The following BAIAP2L1 variants were observed in gnomAD, a reference collection of about 807,000 sequenced individuals.
BAIAP2L1 encodes BAR/IMD domain-containing adapter protein 2-like 1.
A neutral mutation model predicts 66.3 loss-of-function variants in BAIAP2L1; 35 were observed. That is an observed-to-expected ratio of 0.53 (90% CI 0.40 to 0.70). BAIAP2L1 has a LOEUF of 0.70. BAIAP2L1 is among the 30% of genes least tolerant of loss of function. The pLI, the probability that BAIAP2L1 is intolerant of heterozygous loss-of-function variation, is 0.00. For synonymous variants in BAIAP2L1, 269 were observed against 248.7 expected, an observed-to-expected ratio of 1.08 and a Z score of -0.77; for missense variants, 622 against 656.9, an observed-to-expected ratio of 0.95 and a Z score of 0.58.
At chr7:98,350,720 C>A (rs185420388) in intron 3 of BAIAP2L1, among the ~76,000 whole-genome samples, 140 of 152,242 alleles carry the variant, frequency 9.2e-4, no homozygotes, top group Non-Finnish European at 1.6e-3. Flanking sequence ...TACCCTAAGG[C>A]CCCCTACCCC....
chr7:98,375,341 C>T (rs1562789500), intron 1 of BAIAP2L1, among the ~76,000 whole-genome samples: 1 of 151,594 alleles, frequency 6.6e-6, no homozygotes, highest in Admixed American at 6.6e-5. Flanking sequence ...TTGCAGTGAG[C>T]CGACATCCGG....
intron 1 of BAIAP2L1, among the ~76,000 whole-genome samples, chr7:98,369,428 A>C (rs942076344): frequency 2.0e-5 from 3 of 152,334 alleles, no homozygotes; most frequent in African/African-American, 7.2e-5. Flanking sequence ...GGTAGCAGTG[A>C]GATCGTGCCG....
Position 98,393,080 on chromosome 7 carries a change from C to T in BAIAP2L1, c.51+7722G>A, listed in dbSNP as rs1372378651. 1.2e-4 allele frequency among the ~76,000 whole-genome samples: 10 copies of T among 85,642 alleles called. 1 individual carries two copies. In the South Asian group the frequency reaches 2.9e-3, roughly 25 times the overall value. The allele number at this position is 85,642 out of a possible 152,430, so 56.2% of individuals were successfully genotyped here. On this transcript the variant is annotated intron_variant, in intron 1 of 13. Coordinates refer to ENST00000005260, the MANE Select transcript of BAIAP2L1 (RefSeq NM_018842.5). ...ATATGTACACATATATGTATACACACACATATATACATATATACGTGTACA... is the reference window on the plus strand; with the variant it reads ...ATATGTACACATATATGTATACACATACATATATACATATATACGTGTACA...
intron 2 of BAIAP2L1, among the ~76,000 whole-genome samples, chr7:98,358,907 G>T (rs1436514621): frequency 1.3e-5 from 2 of 152,150 alleles, no homozygotes; most frequent in Non-Finnish European, 2.9e-5. Flanking sequence ...CAGGTGGTGT[G>T]GCCATGGGAC....
intron 12 of BAIAP2L1, among the ~76,000 whole-genome samples, chr7:98,302,510 C>T (rs1203203944): frequency 6.6e-6 from 1 of 152,224 alleles, no homozygotes; most frequent in Admixed American, 6.5e-5. Context: ...ACACAACAGT[C>T]AAACAAGCAA....
At position 98,305,868 on chromosome 7, in the gene BAIAP2L1, G is replaced by A. The variant is rs141430531; in HGVS notation, c.1241+571C>T. ...CTGGAATACGGATTTGGGGGTTTTC[G>A]GCATGGAGGTGCTCAGCAAAGCCCA... On this transcript the variant is annotated intron_variant, in intron 11 of 13. Transcript: ENST00000005260. 4.8e-4 allele frequency among the ~76,000 whole-genome samples: 73 copies of A among 152,190 alleles called. 1 individual carries two copies. In the East Asian group the frequency reaches 0.012, roughly 26 times the overall value.
At chr7:98,314,240 C>T (rs931480265) in intron 7 of BAIAP2L1, among the ~76,000 whole-genome samples, 2 of 152,076 alleles carry the variant, frequency 1.3e-5, no homozygotes, top group Non-Finnish European at 2.9e-5. Flanking sequence ...ACTTTGGTCT[C>T]CCAAAGTGCT....
chr7:98,307,320 G>A (rs1800696480), intron 10 of BAIAP2L1: 2 of 867,818 alleles, frequency 2.3e-6, no homozygotes, highest in East Asian at 1.6e-4. Flanking sequence ...TGGCCAGGCT[G>A]GTCTGGAACT....
intron 3 of BAIAP2L1, among the ~76,000 whole-genome samples, chr7:98,349,304 G>T (rs1233260423): frequency 1.3e-5 from 2 of 152,198 alleles, no homozygotes; most frequent in Non-Finnish European, 1.5e-5. Context: ...CCGGCACGCG[G>T]TGGACACATC....
At position 98,292,770 on chromosome 7, in the gene BAIAP2L1, A is replaced by G; in HGVS notation, c.*751T>C. On this transcript the variant is annotated 3_prime_UTR_variant, in exon 14 of 14. Coordinates refer to ENST00000005260, the MANE Select transcript of BAIAP2L1 (RefSeq NM_018842.5). Reference sequence around the variant, plus strand: ...GCAGCTTTGGCCAACTAGCTGAGTGAGAACACAAGGAGCCGTGACTCCGAC... The same window carrying G: ...GCAGCTTTGGCCAACTAGCTGAGTGGGAACACAAGGAGCCGTGACTCCGAC... 1.3e-6 allele frequency: 2 copies of G among 1,549,584 alleles called. No homozygotes were observed. Among genetic ancestry groups the G allele is most frequent in the Non-Finnish European group, 1.7e-6 (2 of 1,145,738 alleles).
intron 2 of BAIAP2L1, among the ~76,000 whole-genome samples, chr7:98,359,412 A>C (rs1185220537): frequency 1.3e-5 from 2 of 151,590 alleles, no homozygotes; most frequent in Non-Finnish European, 2.9e-5. Flanking sequence ...AGGTGGGATT[A>C]CAGGCACCCG....
At chr7:98,334,600 A>G (rs1326755001) in intron 3 of BAIAP2L1, among the ~76,000 whole-genome samples, 1 of 151,996 alleles carries the variant, frequency 6.6e-6, no homozygotes, top group Non-Finnish European at 1.5e-5. Context: ...GCTGGAGTGC[A>G]GTGGCACGAC....
At chr7:98,329,672 C>T (rs1801449834) in intron 3 of BAIAP2L1, among the ~76,000 whole-genome samples, 1 of 151,676 alleles carries the variant, frequency 6.6e-6, no homozygotes, top group Non-Finnish European at 1.5e-5. Flanking sequence ...GACTTGCTAA[C>T]TCCAGCCCCC....
intron 3 of BAIAP2L1, among the ~76,000 whole-genome samples, chr7:98,348,102 GTTC>G (rs1248098719): frequency 1.3e-5 from 2 of 151,842 alleles, no homozygotes; most frequent in Non-Finnish European, 2.9e-5. Flanking sequence ...AAACCTGCAC[GTTC>G]TTCACATGTA....
intron 1 of BAIAP2L1, among the ~76,000 whole-genome samples, chr7:98,371,581 GA>G (rs2115764685): frequency 6.6e-6 from 1 of 152,244 alleles, no homozygotes; most frequent in South Asian, 2.1e-4. Context: ...TATGAATTAA[GA>G]ATAATTATGA....
At chr7:98,376,002 G>T (rs1225220552) in intron 1 of BAIAP2L1, among the ~76,000 whole-genome samples, 1 of 152,110 alleles carries the variant, frequency 6.6e-6, no homozygotes, top group African/African-American at 2.4e-5. Flanking sequence ...TTTGCTTTGT[G>T]TGTTAAAAAA....
At chr7:98,299,028 T>A (rs910953167) in intron 12 of BAIAP2L1, among the ~76,000 whole-genome samples, 3 of 151,994 alleles carry the variant, frequency 2.0e-5, no homozygotes, top group African/African-American at 7.2e-5. Flanking sequence ...TTTGGTGTTT[T>A]TTTTGAGATG....
chr7:98,318,374 T>C (rs1301869476), intron 5 of BAIAP2L1, among the ~76,000 whole-genome samples: 1 of 151,944 alleles, frequency 6.6e-6, no homozygotes, highest in Non-Finnish European at 1.5e-5. Flanking sequence ...CTGCACTCTC[T>C]GCCTCCCGGG....
intron 3 of BAIAP2L1, among the ~76,000 whole-genome samples, chr7:98,336,486 G>A (rs1801620496): frequency 6.6e-6 from 1 of 152,042 alleles, no homozygotes; most frequent in South Asian, 2.1e-4. Flanking sequence ...TGTGGTGGCG[G>A]ATGGCTGTAG....
Sources: gnomAD v4.1 joint callset for allele counts (sites outside exome capture counted in the v4.1 genomes callset) on GRCh38, gnomAD v4.1.1 for gene constraint, MANE v1.5 for transcripts, NCBI Gene and HGNC (gene_info 2026-07-23, HGNC 2026-07-21) for gene names.